Variants in DCT observed in about 807,000 individuals in gnomAD.
DCT encodes dopachrome tautomerase.
DCT carries 47 observed loss-of-function variants against 53.0 expected under a neutral mutation model. The ratio of observed to expected loss-of-function variants is 0.89; its 90% CI spans 0.70 to 1.13. The LOEUF (loss-of-function observed/expected upper bound fraction) is 1.13. DCT is among the 50% of genes most tolerant of loss of function. DCT has a pLI of 0.00. For missense variants in DCT, 669 were observed against 637.4 expected (o/e 1.05, Z -0.53); for synonymous variants, 244 against 237.0 (o/e 1.03, Z -0.27).
At chr13:94,483,364 A>G (rs1422602255), upstream of DCT, among the ~76,000 whole-genome samples, 2 of 151,818 alleles carry the variant, frequency 1.3e-5, no homozygotes, top group African/African-American at 2.4e-5. Context: ...TCCTTCCCCA[A>G]TTCTTTCATC....
chr13:94,448,219 T>G (rs1882852695), intron 6 of DCT, among the ~76,000 whole-genome samples: 1 of 152,188 alleles, frequency 6.6e-6, no homozygotes, highest in African/African-American at 2.4e-5. Flanking sequence ...CACTCCAGCC[T>G]GAGTGACAGA....
At chr13:94,540,890 C>T in the DCT span, among the ~76,000 whole-genome samples, 1 of 152,172 alleles carries the variant, frequency 6.6e-6, no homozygotes, top group Non-Finnish European at 1.5e-5. Flanking sequence ...AAAATACAGA[C>T]TCAATCTAAG....
chr13:94,535,429 C>A, the DCT span, among the ~76,000 whole-genome samples: 3 of 152,322 alleles, frequency 2.0e-5, no homozygotes, highest in East Asian at 1.9e-4. Flanking sequence ...ATCTGTCACT[C>A]CACCCAGCCC....
At chr13:94,490,165 T>C in the DCT span, among the ~76,000 whole-genome samples, 3 of 152,172 alleles carry the variant, frequency 2.0e-5, no homozygotes, top group Non-Finnish European at 4.4e-5. Flanking sequence ...GACCTGAATC[T>C]GGTGGTTTTA....
chr13:94,448,690 G>C (rs956974051), intron 6 of DCT, among the ~76,000 whole-genome samples: 3 of 152,184 alleles, frequency 2.0e-5, no homozygotes, highest in East Asian at 3.9e-4. Context: ...ATCACCCGAG[G>C]TCAGGAGTTC....
At chr13:94,474,682 C>T (rs1258556008) in intron 1 of DCT, among the ~76,000 whole-genome samples, 1 of 152,184 alleles carries the variant, frequency 6.6e-6, no homozygotes, top group African/African-American at 2.4e-5. Context: ...ATAGCAAATT[C>T]AAAGTCTCCT....
chr13:94,487,388 C>T, the DCT span, among the ~76,000 whole-genome samples: 3 of 152,180 alleles, frequency 2.0e-5, no homozygotes, highest in Non-Finnish European at 2.9e-5. Flanking sequence ...CATGCCGGCA[C>T]CTAGCACCAA....
At chr13:94,489,846 T>TA in the DCT span, among the ~76,000 whole-genome samples, 1 of 152,148 alleles carries the variant, frequency 6.6e-6, no homozygotes, top group Non-Finnish European at 1.5e-5. Context: ...GGAAACTAAA[T>TA]AAGTATTTAT....
At chr13:94,482,500 C>T (rs7989769), upstream of DCT, among the ~76,000 whole-genome samples, 689 of 152,226 alleles carry the variant, frequency 4.5e-3, 4 homozygotes, top group African/African-American at 0.016. Context: ...ACCACATTAC[C>T]TTATTTTATT....
At chr13:94,457,200 T>C (rs1883465603) in intron 6 of DCT, among the ~76,000 whole-genome samples, 1 of 152,258 alleles carries the variant, frequency 6.6e-6, no homozygotes, top group African/African-American at 2.4e-5. Flanking sequence ...AAATGCTATA[T>C]CTGGACTGAA....
intron 6 of DCT, 151 bp downstream of exon 6, chr13:94,459,940 T>C: frequency 1.1e-6 from 1 of 869,914 alleles, no homozygotes; most frequent in South Asian, 1.7e-5. Context: ...TACCTAACCA[T>C]CCCTATGGTA....
At chr13:94,515,875 C>G in the DCT span, among the ~76,000 whole-genome samples, 1 of 152,054 alleles carries the variant, frequency 6.6e-6, no homozygotes, top group Non-Finnish European at 1.5e-5. Flanking sequence ...ATACACACAT[C>G]CAGATAACAA....
At chr13:94,469,611 TG>T (rs758236779) in intron 1 of DCT, among the ~76,000 whole-genome samples, 33 of 152,216 alleles carry the variant, frequency 2.2e-4, no homozygotes, top group South Asian at 6.2e-4. Flanking sequence ...GCCTAGTCTG[TG>T]GGATGTTGTT....
At chr13:94,483,017 T>C (rs1885510896), upstream of DCT, among the ~76,000 whole-genome samples, 2 of 152,142 alleles carry the variant, frequency 1.3e-5, no homozygotes, top group Admixed American at 1.3e-4. Flanking sequence ...TCATGCCTTG[T>C]AATCCCAACA....
chr13:94,443,773 C>G lies in DCT; in HGVS notation c.1180-136G>C, dbSNP rs79782058. On this transcript the variant is annotated intron_variant, in intron 6 of 7. Transcript: ENST00000377028. ...CTGTATACCCATGTGTGGAATACCC[C>G]CTTCTGTGTACCACCATGAGGAAGC... 196 of 666,732 alleles carry G rather than the reference C, an allele frequency of 2.9e-4. No individual in the cohort carries two copies. In the African/African-American group the frequency reaches 3.1e-3, roughly 11 times the overall value. The allele number at this position is 666,732 out of a possible 1,614,324, so 41.3% of individuals were successfully genotyped here.
chr13:94,443,760 G>A (rs763960167), intron 6 of DCT, 123 bp from the exon 7 acceptor site: 13 of 698,534 alleles, frequency 1.9e-5, no homozygotes, highest in African/African-American at 3.5e-5. Context: ...GTATACCCAT[G>A]TGTGGAATAC....
the DCT span, among the ~76,000 whole-genome samples, chr13:94,536,391 T>G: frequency 2.6e-5 from 4 of 152,134 alleles, no homozygotes; most frequent in Non-Finnish European, 5.9e-5. Flanking sequence ...AGTGATGTAG[T>G]CTGGATGTTT....
the DCT span, among the ~76,000 whole-genome samples, chr13:94,515,369 G>C: frequency 6.6e-6 from 1 of 152,232 alleles, no homozygotes; most frequent in East Asian, 1.9e-4. Context: ...TGGGAATGAA[G>C]AGGATGGGAT....
chr13:94,452,697 T>A (rs1883175630), intron 6 of DCT: 1 of 706,470 alleles, frequency 1.4e-6, no homozygotes, highest in South Asian at 1.6e-5. Context: ...GTTTAAAATC[T>A]TAAATTTAAA....
Sources: allele counts gnomAD v4.1 joint callset (sites outside exome capture counted in the v4.1 genomes callset), GRCh38; gene constraint gnomAD v4.1.1; transcripts MANE v1.5; gene names NCBI Gene and HGNC (gene_info 2026-07-23, HGNC 2026-07-21).